The following AGBL5 variants were observed in gnomAD, a reference collection of about 807,000 sequenced individuals.
The protein encoded by AGBL5 is cytosolic carboxypeptidase-like protein 5.
Under a neutral mutation model 88.0 loss-of-function variants are expected in AGBL5, and 51 were observed. The observed-to-expected ratio is 0.58, with a 90% CI of 0.46 to 0.73. The LOEUF is 0.73. AGBL5 is among the 30% of genes least tolerant of loss of function. The probability of loss-of-function intolerance (pLI) is 0.00; values close to 1 mark genes in which losing one functional copy is unlikely to be tolerated. For missense variants in AGBL5, 1,031 were observed against 1,162.2 expected, an observed-to-expected ratio of 0.89 and a Z score of 1.64; for synonymous variants, 446 against 438.8, an observed-to-expected ratio of 1.02 and a Z score of -0.21.
chr2:27,056,029 C>T lies in AGBL5; in HGVS notation c.1256C>T (p.Thr419Ile). Residue 419 changes from threonine to isoleucine, a missense_variant, in exon 7 of 15, where the codon ACC becomes ATC. Thr to Ile is a moderately conservative substitution (Grantham distance 89). Around this residue, in one of 2 missense-constraint regions of AGBL5, gnomAD observed 540 missense variants for 678.2 expected, o/e 0.80. Coordinates refer to ENST00000360131, the MANE Select transcript of AGBL5 (RefSeq NM_021831.6). ...GGGCTTGAAGAGTCAGCCCCTGATA[C>T]CATCCCCCCCAAAGAGAGTGGCGTT... Reference protein sequence around the residue: ...SAGLEESAPDTIPPKESGVAY... With the variant: ...SAGLEESAPDIIPPKESGVAY... The T allele has an allele frequency of 6.2e-7, 1 of 1,614,198 alleles. No individual in the cohort carries two copies. Among genetic ancestry groups the T allele is most frequent in the Non-Finnish European group, 8.5e-7 (1 of 1,180,038 alleles).
intron 13 of AGBL5, 25 bp from the exon 14 acceptor site, chr2:27,069,548 C>T (rs371997327): frequency 7.5e-6 from 12 of 1,605,376 alleles, no homozygotes; most frequent in Middle Eastern, 1.7e-4. Context: ...AATCCAGCCT[C>T]TTAGCGCAAA....
At chr2:27,068,768 T>A in intron 13 of AGBL5, 24 bp downstream of exon 13, 1 of 1,612,952 alleles carries the variant, frequency 6.2e-7, no homozygotes, top group Non-Finnish European at 8.5e-7. Flanking sequence ...GTCTCCAGCA[T>A]AGCTACTCTG....
intron 9 of AGBL5, among the ~76,000 whole-genome samples, chr2:27,058,011 G>C (rs1010928829): frequency 6.6e-6 from 1 of 151,164 alleles, no homozygotes; most frequent in African/African-American, 2.4e-5. Flanking sequence ...GGGAGGCAGA[G>C]GTTGCAGTCA....
At chr2:27,058,379 C>G in intron 9 of AGBL5, 21 bp from the exon 10 acceptor site, 2 of 1,612,356 alleles carry the variant, frequency 1.2e-6, no homozygotes, top group Non-Finnish European at 1.7e-6. Flanking sequence ...GCATGCTGAG[C>G]CAAACTGGAC....
At position 27,054,715 on chromosome 2, in the gene AGBL5, T is replaced by C. The variant is rs367620007; in HGVS notation, c.637T>C (p.Cys213Arg). The change falls in exon 5 of 15, where the codon TGC becomes CGC. Residue 213 changes from cysteine (C) to arginine (R), a missense_variant. Physicochemically the swap from Cys to Arg is radical, Grantham distance 180. Around this residue, in one of 2 missense-constraint regions of AGBL5, gnomAD observed 540 missense variants for 678.2 expected, o/e 0.80. Coordinates refer to ENST00000360131, the MANE Select transcript of AGBL5 (RefSeq NM_021831.6). ...LRVDLLTITS[C>R]HGLREDREPR... ...TGTAGATCTGCTGACGATCACTTCC[T>C]GCCATGGGCTTCGAGAAGATCGAGA... The C allele has an allele frequency of 9.0e-6, 14 of 1,549,908 alleles. No homozygotes were observed. Among genetic ancestry groups the C allele is most frequent in the Admixed American group, 1.8e-5 (1 of 54,706 alleles).
chr2:27,069,769 GT>G, intron 14 of AGBL5, 63 bp downstream of exon 14: 1 of 1,552,074 alleles, frequency 6.4e-7, no homozygotes, highest in African/African-American at 1.4e-5. Context: ...TCCCATTTCT[GT>G]CATTCAGAAT....
Position 27,053,721 on chromosome 2 carries a change from A to G in AGBL5, c.387+148A>G. ...TTTCTCCAGTGTTAGCTAGAGTCCA[A>G]GATGAGCCCCTGCCTCAGGAAGCCT... is the stretch of plus-strand genomic sequence containing the variant. On this transcript the variant is annotated intron_variant, in intron 3 of 14. Coordinates refer to ENST00000360131, the MANE Select transcript of AGBL5 (RefSeq NM_021831.6). The surrounding 1 kb of genome is among the most constrained non-coding windows in gnomAD (Gnocchi z 4.9). 1 of 1,356,722 alleles carries G rather than the reference A, an allele frequency of 7.4e-7. No homozygotes were observed. The highest frequency in any genetic ancestry group is 1.5e-5 in the South Asian group (1 of 68,246). 84.0% of individuals were successfully genotyped at this position (1,356,722 alleles called of 1,614,324 possible).
intron 11 of AGBL5, among the ~76,000 whole-genome samples, chr2:27,060,491 C>T (rs1456963694): frequency 6.6e-6 from 1 of 152,256 alleles, no homozygotes; most frequent in Non-Finnish European, 1.5e-5. Context: ...CTGGCCTCTG[C>T]ACTACAGAAG....
At chr2:27,054,914 C>G (rs552268296) in intron 5 of AGBL5, 107 bp downstream of exon 5, 7 of 1,505,380 alleles carry the variant, frequency 4.6e-6, no homozygotes. Flanking sequence ...ATGGCCTCCG[C>G]CCGCAGCGTG....
intron 12 of AGBL5, chr2:27,067,861 G>A: frequency 4.6e-6 from 3 of 645,338 alleles, no homozygotes; most frequent in Non-Finnish European, 8.5e-6. Flanking sequence ...CTATGTGCCA[G>A]GCACTGCTCT....
chr2:27,050,623 C>A (rs952057681), upstream of AGBL5, among the ~76,000 whole-genome samples: 1 of 152,276 alleles, frequency 6.6e-6, no homozygotes, highest in Non-Finnish European at 1.5e-5. Flanking sequence ...TGGGCAGCTT[C>A]TTTTCCTTGC....
chr2:27,069,118 TA>T (rs774469128), intron 13 of AGBL5: 1 of 1,338,750 alleles, frequency 7.5e-7, no homozygotes, highest in South Asian at 1.2e-5. Flanking sequence ...TTGCTGCTGC[TA>T]GGAACAGCCC....
chr2:27,070,402 T>G lies in AGBL5; in HGVS notation c.*139T>G, dbSNP rs1343223917. On this transcript the variant is annotated 3_prime_UTR_variant, in exon 15 of 15. Transcript: ENST00000360131. ...ATGCCAGCCACGCTGTCCAAGGCAT[T>G]ACAGAGTATCACCTTGAGACAGAAC... 2.4e-6 allele frequency: 2 copies of G among 847,900 alleles called. No homozygotes were observed. The allele number at this position is 847,900 out of a possible 1,614,324, so 52.5% of individuals were successfully genotyped here.
chr2:27,068,549 C>T, intron 12 of AGBL5, 83 bp from the exon 13 acceptor site: 1 of 1,250,138 alleles, frequency 8.0e-7, no homozygotes. Flanking sequence ...GTCAACGTGC[C>T]AAGGTTAAGA....
intron 11 of AGBL5, 111 bp from the exon 12 acceptor site, chr2:27,067,383 C>A: frequency 9.3e-7 from 1 of 1,074,662 alleles, no homozygotes. Context: ...GGTCTGATGA[C>A]AAGCTTGAAA....
intron 11 of AGBL5, among the ~76,000 whole-genome samples, chr2:27,065,212 C>T (rs556249240): frequency 3.2e-4 from 49 of 152,286 alleles, no homozygotes; most frequent in Non-Finnish European, 4.4e-4. Flanking sequence ...GAATTCAGTT[C>T]TATGAAAAGT....
chr2:27,067,252 TAAAAA>T (rs36064257), intron 11 of AGBL5, among the ~76,000 whole-genome samples: 4 of 104,480 alleles, frequency 3.8e-5, no homozygotes, highest in South Asian at 3.1e-4. Context: ...TGGAAACCTT[TAAAAA>T]AAAAAAAAAA....
Position 27,070,243 on chromosome 2 carries a change from A to T in AGBL5, c.2641A>T (p.Thr881Ser). 6.2e-7 allele frequency: 1 copy of T among 1,614,090 alleles called. No individual in the cohort carries two copies. ...VCFVPKSPPL[T>S]VSPRV ...TTTTGTCCCTAAATCTCCCCCACTGACTGTTTCTCCCCGGGTCTGATAATG... is the reference window on the plus strand; with the variant it reads ...TTTTGTCCCTAAATCTCCCCCACTGTCTGTTTCTCCCCGGGTCTGATAATG... The change falls in exon 15 of 15, where the codon ACT becomes TCT. Residue 881 changes from threonine to serine, a missense_variant. By Grantham distance (58) the Thr-to-Ser change is moderately conservative. Transcript: ENST00000360131.
At chr2:27,051,021 T>G (rs755547074), upstream of AGBL5, 1 of 152,278 alleles carries the variant, frequency 6.6e-6, no homozygotes, top group African/African-American at 2.4e-5. Flanking sequence ...CTGCGTTCAA[T>G]GTACATGTGG....
Sources: gnomAD v4.1 joint callset for allele counts (sites outside exome capture counted in the v4.1 genomes callset) on GRCh38, gnomAD v4.1.1 for gene constraint, gnomAD v4.1.1 regional missense constraint, Gnocchi (gnomAD v3.1) non-coding constraint, MANE v1.5 for transcripts, NCBI Gene and HGNC (gene_info 2026-07-23, HGNC 2026-07-21) for gene names.